The following MAP6 variants were observed in gnomAD, a reference collection of about 807,000 sequenced individuals.
MAP6 encodes the protein microtubule-associated protein 6.
MAP6 carries 26 observed loss-of-function variants against 42.4 expected under a neutral mutation model. That is an observed-to-expected ratio of 0.61 (90% CI 0.45 to 0.85). The LOEUF is 0.85. MAP6 is among the 40% of genes least tolerant of loss of function. The probability of loss-of-function intolerance (pLI) is 0.00; values close to 1 mark genes in which losing one functional copy is unlikely to be tolerated. For missense variants in MAP6, 966 were observed against 1,099.0 expected (o/e 0.88, Z 1.71); for synonymous variants, 418 against 443.8 (o/e 0.94, Z 0.73).
intron 1 of MAP6, among the ~76,000 whole-genome samples, chr11:75,651,883 A>G (rs902016400): frequency 6.6e-6 from 1 of 152,238 alleles, no homozygotes; most frequent in Non-Finnish European, 1.5e-5. Flanking sequence ...TCTGTCCTCA[A>G]TAACCTAGAT....
chr11:75,625,723 A>G (rs1247205816), intron 1 of MAP6, among the ~76,000 whole-genome samples: 1 of 152,132 alleles, frequency 6.6e-6, no homozygotes, highest in African/African-American at 2.4e-5. Flanking sequence ...GAATCCCACA[A>G]CTTTTTTCTC....
chr11:75,601,794 C>G (rs912133618), intron 3 of MAP6, among the ~76,000 whole-genome samples: 2 of 151,350 alleles, frequency 1.3e-5, no homozygotes, highest in Non-Finnish European at 2.9e-5. Flanking sequence ...AGCTACCCCC[C>G]CAGAACTGAA....
intron 1 of MAP6, among the ~76,000 whole-genome samples, chr11:75,663,088 A>AT (rs1943883555): frequency 6.6e-6 from 1 of 151,612 alleles, no homozygotes; most frequent in South Asian, 2.1e-4. Flanking sequence ...CAGCCTCCTG[A>AT]GTAGCTGGGA....
At chr11:75,612,510 A>C (rs1942916451) in intron 1 of MAP6, among the ~76,000 whole-genome samples, 1 of 152,206 alleles carries the variant, frequency 6.6e-6, no homozygotes, top group African/African-American at 2.4e-5. Context: ...AAAGCGGATG[A>C]AGGGAATTCA....
chr11:75,604,999 C>T (rs2135585213), intron 3 of MAP6: 1 of 985,480 alleles, frequency 1.0e-6, no homozygotes, highest in Middle Eastern at 5.2e-4. Context: ...CAACCGGTCG[C>T]TCTGCGAAAC....
chr11:75,592,215 G>A (rs1407662245), intron 3 of MAP6, among the ~76,000 whole-genome samples: 5 of 152,138 alleles, frequency 3.3e-5, no homozygotes, highest in Middle Eastern at 3.4e-3. Context: ...GATTAGTTTC[G>A]TTTGCATCCC....
intron 3 of MAP6, among the ~76,000 whole-genome samples, chr11:75,589,947 C>T (rs956953964): frequency 6.6e-6 from 1 of 152,184 alleles, no homozygotes; most frequent in East Asian, 1.9e-4. Flanking sequence ...AGAGTCCACA[C>T]AGCACAGGCA....
At chr11:75,642,602 G>A (rs1039983576) in intron 1 of MAP6, 1 of 180,938 alleles carries the variant, frequency 5.5e-6, no homozygotes, top group East Asian at 1.3e-4. Flanking sequence ...GCAAGACAAT[G>A]AAGAGAACAT....
intron 1 of MAP6, among the ~76,000 whole-genome samples, chr11:75,647,918 G>A (rs1171584904): frequency 6.6e-6 from 1 of 152,158 alleles, no homozygotes; most frequent in African/African-American, 2.4e-5. Flanking sequence ...ACAAAGCTAT[G>A]ACAAATAAGT....
At position 75,605,958 on chromosome 11, in the gene MAP6, G is replaced by T. The variant is rs749831967; in HGVS notation, c.1166C>A (p.Ala389Glu). ...VQSSKPKKTS[A>E]SHKPTRKAKD... ...GGCCTTCCTCGTGGGCTTATGGCTC[G>T]CTGAGGTCTTTTTTGGTTTGGAACT... The change falls in exon 3 of 4, where the codon GCG becomes GAG. Residue 389 changes from alanine (A) to glutamate (E), a missense_variant. Transcript: ENST00000304771. 2.1e-5 allele frequency: 34 copies of T among 1,598,812 alleles called. No individual in the cohort carries two copies. The highest frequency in any genetic ancestry group is 2.9e-5 in the Non-Finnish European group (34 of 1,175,426).
chr11:75,618,164 CT>C (rs1943036317), intron 1 of MAP6, among the ~76,000 whole-genome samples: 1 of 145,504 alleles, frequency 6.9e-6, no homozygotes, highest in Non-Finnish European at 1.5e-5. Flanking sequence ...AAAGCTGGCA[CT>C]AAAAATAACA....
intron 1 of MAP6, among the ~76,000 whole-genome samples, chr11:75,664,154 T>A (rs1943904409): frequency 6.6e-6 from 1 of 152,160 alleles, no homozygotes; most frequent in African/African-American, 2.4e-5. Flanking sequence ...ACATTAAAAA[T>A]GGTAATAAAG....
intron 1 of MAP6, among the ~76,000 whole-genome samples, chr11:75,652,681 T>C (rs1471587047): frequency 6.6e-6 from 1 of 151,284 alleles, no homozygotes; most frequent in Admixed American, 6.6e-5. Flanking sequence ...CTACTAAAAA[T>C]ACAAAAAATT....
At position 75,605,957 on chromosome 11, in the gene MAP6, C is replaced by G; in HGVS notation, c.1167G>C (p.Ala389=). ...TGGCCTTCCTCGTGGGCTTATGGCTCGCTGAGGTCTTTTTTGGTTTGGAAC... is the reference window on the plus strand; with the variant it reads ...TGGCCTTCCTCGTGGGCTTATGGCTGGCTGAGGTCTTTTTTGGTTTGGAAC... ...VQSSKPKKTS[A]SHKPTRKAKD... Residue 389 remains alanine, a synonymous_variant, in exon 3 of 4, where the codon GCG becomes GCC. Coordinates refer to ENST00000304771, the MANE Select transcript of MAP6 (RefSeq NM_033063.2). 3 of 1,614,034 alleles carry G rather than the reference C, an allele frequency of 1.9e-6. No individual in the cohort carries two copies. The highest frequency in any genetic ancestry group is 2.5e-6 in the Non-Finnish European group (3 of 1,180,026).
intron 3 of MAP6, among the ~76,000 whole-genome samples, chr11:75,589,681 A>G (rs1326376624): frequency 6.6e-6 from 1 of 152,228 alleles, no homozygotes; most frequent in African/African-American, 2.4e-5. Context: ...TAGGTGCTCA[A>G]TGCAAGGTGA....
At chr11:75,662,866 C>T (rs1195598339) in intron 1 of MAP6, among the ~76,000 whole-genome samples, 1 of 152,150 alleles carries the variant, frequency 6.6e-6, no homozygotes, top group Non-Finnish European at 1.5e-5. Context: ...AGGACTGCTG[C>T]CCTAGGTGAA....
intron 3 of MAP6, among the ~76,000 whole-genome samples, chr11:75,595,297 G>A (rs547046698): frequency 3.3e-5 from 5 of 152,216 alleles, no homozygotes; most frequent in Non-Finnish European, 7.3e-5. Context: ...CACCCTTTTA[G>A]TGAATGCCCT....
Position 75,600,834 on chromosome 11 carries a change from T to C in MAP6, c.1316+4974A>G, listed in dbSNP as rs1038883625. On this transcript the variant is annotated intron_variant, in intron 3 of 3. Coordinates refer to ENST00000304771, the MANE Select transcript of MAP6 (RefSeq NM_033063.2). ...AAATCTATGAGAAGTGAGAAGCAGG[T>C]TGTAAATTCTTAAACCCTAGTGAAA... 6.6e-5 allele frequency among the ~76,000 whole-genome samples: 10 copies of C among 152,214 alleles called. No individual in the cohort carries two copies. The East Asian group carries it at 9.6e-4, about 15-fold the overall frequency.
Position 75,587,634 on chromosome 11 carries a change from C to T in MAP6, c.1867G>A (p.Ala623Thr). 1.2e-6 allele frequency: 2 copies of T among 1,613,994 alleles called. No homozygotes were observed. Among genetic ancestry groups the T allele is most frequent in the South Asian group, 1.1e-5 (1 of 91,072 alleles). The stretch of plus-strand genomic sequence containing the variant: ...ATGGGACCTTCATCCTTGACAGGTG[C>T]TGGGACTATGGGACCTTCACCCTTG... ...PVKGEGPIVP[A>T]PVKDEGPMVS... The change falls in exon 4 of 4, where the codon GCA (alanine) becomes ACA (threonine). Residue 623 changes from alanine (A) to threonine (T), a missense_variant. Transcript: ENST00000304771.
Sources: gnomAD v4.1 joint callset for allele counts (sites outside exome capture counted in the v4.1 genomes callset) on GRCh38, gnomAD v4.1.1 for gene constraint, MANE v1.5 for transcripts, NCBI Gene and HGNC (gene_info 2026-07-23, HGNC 2026-07-21) for gene names.